PLCH1: variants seen among roughly 807,000 people sequenced by gnomAD.
PLCH1 encodes 1-phosphatidylinositol 4,5-bisphosphate phosphodiesterase eta-1.
A neutral mutation model predicts 126.7 loss-of-function variants in PLCH1; 60 were observed. The observed-to-expected ratio is 0.47, with a 90% CI of 0.38 to 0.59. PLCH1 has a LOEUF of 0.59. Among genes scored for constraint, PLCH1 ranks in the 20% least tolerant of loss-of-function variants. The pLI is 0.00. For synonymous variants in PLCH1, 719 were observed against 734.9 expected (o/e 0.98, Z 0.35); for missense variants, 1,723 against 2,040.0 (o/e 0.84, Z 2.99).
rs1002077885 is a variant in PLCH1 at position 155,590,435 on chromosome 3, G to A, written c.470+3506C>T. Among the ~76,000 whole-genome samples, 12 of 151,736 alleles carry A rather than the reference G, an allele frequency of 7.9e-5. No homozygotes were observed. In the South Asian group the frequency reaches 8.3e-4, roughly 11 times the overall value. Reference sequence around the variant, plus strand: ...CTACTAAAAATACAAAAAATTAGCCGGGCGTGGTGGCGGGCGCCTGTAGTC... The same window carrying A: ...CTACTAAAAATACAAAAAATTAGCCAGGCGTGGTGGCGGGCGCCTGTAGTC... On this transcript the variant is annotated intron_variant, in intron 4 of 22. Transcript: ENST00000460012.
At chr3:155,678,050 A>G (rs1341124315) in intron 2 of PLCH1, among the ~76,000 whole-genome samples, 2 of 152,186 alleles carry the variant, frequency 1.3e-5, no homozygotes, top group African/African-American at 4.8e-5. Context: ...GGTGAAGACC[A>G]AAGCACTCCC....
chr3:155,535,194 G>A (rs897505067), intron 10 of PLCH1, among the ~76,000 whole-genome samples: 3 of 152,154 alleles, frequency 2.0e-5, no homozygotes, highest in African/African-American at 4.8e-5. Flanking sequence ...GTAGAACTGG[G>A]GAAAGAATAC....
chr3:155,717,123 C>T (rs1056053202), intron 1 of PLCH1, among the ~76,000 whole-genome samples: 14 of 152,258 alleles, frequency 9.2e-5, no homozygotes, highest in African/African-American at 3.4e-4. Flanking sequence ...TTTCCTTTGA[C>T]TCCATGACCC....
At chr3:155,540,621 G>T (rs569499125) in intron 10 of PLCH1, among the ~76,000 whole-genome samples, 216 of 152,162 alleles carry the variant, frequency 1.4e-3, no homozygotes, top group African/African-American at 5.1e-3. Flanking sequence ...TATACAAATG[G>T]TCAACAAACA....
intron 21 of PLCH1, among the ~76,000 whole-genome samples, chr3:155,460,786 GA>G (rs1239686670): frequency 2.0e-4 from 27 of 135,120 alleles, no homozygotes; most frequent in East Asian, 1.1e-3. Flanking sequence ...GATAGATATA[GA>G]AGATAGATAG....
chr3:155,629,654 C>T (rs1356262942), intron 2 of PLCH1, among the ~76,000 whole-genome samples: 1 of 152,144 alleles, frequency 6.6e-6, no homozygotes, highest in Non-Finnish European at 1.5e-5. Context: ...CTGGTGACCC[C>T]CTTTCTCAAT....
intron 13 of PLCH1, among the ~76,000 whole-genome samples, chr3:155,503,117 T>C (rs1232006930): frequency 6.6e-6 from 1 of 152,230 alleles, no homozygotes; most frequent in Non-Finnish European, 1.5e-5. Context: ...GTTGGGACAG[T>C]ACACTGGTCA....
chr3:155,712,932 AATAAT>A (rs916453367), intron 1 of PLCH1, among the ~76,000 whole-genome samples: 13 of 151,782 alleles, frequency 8.6e-5, no homozygotes, highest in Admixed American at 7.2e-4. Flanking sequence ...ATTCCTTATT[AATAAT>A]ATATTATTTG....
intron 2 of PLCH1, among the ~76,000 whole-genome samples, chr3:155,672,290 T>C (rs1219354831): frequency 6.6e-6 from 1 of 152,036 alleles, no homozygotes; most frequent in Non-Finnish European, 1.5e-5. Flanking sequence ...GAATACAAAA[T>C]ACATGAAAAG....
intron 2 of PLCH1, among the ~76,000 whole-genome samples, chr3:155,627,645 A>T (rs970932179): frequency 8.9e-4 from 65 of 72,952 alleles, no homozygotes; most frequent in African/African-American, 5.1e-3. Context: ...AAAAAAAAAA[A>T]ACAAATTGAA....
intron 1 of PLCH1, among the ~76,000 whole-genome samples, 179 bp from the exon 2 acceptor site, chr3:155,704,443 G>A (rs191661144): frequency 2.6e-5 from 4 of 152,278 alleles, no homozygotes; most frequent in Admixed American, 2.6e-4. Context: ...TCTTCCCAGG[G>A]TCTAGAATGA....
chr3:155,469,356 C>A (rs1383527787), intron 21 of PLCH1, among the ~76,000 whole-genome samples: 2 of 152,328 alleles, frequency 1.3e-5, no homozygotes, highest in South Asian at 4.1e-4. Context: ...CCGAATACTG[C>A]GCTTTTCGGA....
intron 14 of PLCH1, among the ~76,000 whole-genome samples, chr3:155,499,908 T>C (rs1717632700): frequency 6.6e-6 from 1 of 152,244 alleles, no homozygotes; most frequent in African/African-American, 2.4e-5. Flanking sequence ...ACATATTCTG[T>C]TGGAGCTCAA....
intron 2 of PLCH1, among the ~76,000 whole-genome samples, chr3:155,619,723 T>C (rs1005088278): frequency 2.0e-5 from 3 of 152,070 alleles, no homozygotes; most frequent in African/African-American, 7.2e-5. Flanking sequence ...TCCAAGGGAC[T>C]AAAAGCTTCA....
chr3:155,699,822 T>TTACACACA (rs1746125063), intron 2 of PLCH1, among the ~76,000 whole-genome samples: 1 of 147,680 alleles, frequency 6.8e-6, no homozygotes, highest in Admixed American at 6.7e-5. Flanking sequence ...CTGTGACCAT[T>TTACACACA]CACACACACA....
At chr3:155,544,931 A>G (rs1441308539) in intron 10 of PLCH1, among the ~76,000 whole-genome samples, 194 of 151,232 alleles carry the variant, frequency 1.3e-3, no homozygotes, top group African/African-American at 4.6e-3. Context: ...CATAAGAGAA[A>G]GCAGGAAAGA....
chr3:155,721,769 C>A (rs966940290), intron 1 of PLCH1, among the ~76,000 whole-genome samples: 1 of 152,022 alleles, frequency 6.6e-6, no homozygotes, highest in Non-Finnish European at 1.5e-5. Context: ...AAAAGTGGGC[C>A]GGGCACAGTA....
intron 8 of PLCH1, among the ~76,000 whole-genome samples, chr3:155,559,535 C>T (rs763780961): frequency 6.6e-6 from 1 of 152,110 alleles, no homozygotes; most frequent in Non-Finnish European, 1.5e-5. Flanking sequence ...TCAAGAAAAA[C>T]ATTCCAGAAA....
At chr3:155,479,277 T>C (rs1164461074), downstream of PLCH1, among the ~76,000 whole-genome samples, 1 of 152,072 alleles carries the variant, frequency 6.6e-6, no homozygotes, top group Non-Finnish European at 1.5e-5. Flanking sequence ...AATTAGGAGA[T>C]TCAGAACTCC....
Sources: allele counts gnomAD v4.1 joint callset (sites outside exome capture counted in the v4.1 genomes callset), GRCh38; gene constraint gnomAD v4.1.1; transcripts MANE v1.5; gene names NCBI Gene and HGNC (gene_info 2026-07-23, HGNC 2026-07-21).